Variants in TMEM245 observed in about 807,000 individuals in gnomAD.
TMEM245 encodes protein CG-2.
TMEM245 carries 69 observed loss-of-function variants against 101.2 expected under a neutral mutation model. That is an observed-to-expected ratio of 0.68 (90% CI 0.56 to 0.83). TMEM245 has a LOEUF of 0.83. Among genes scored for constraint, TMEM245 ranks in the 40% least tolerant of loss-of-function variants. The pLI is 0.00. For synonymous variants in TMEM245, 537 were observed against 449.8 expected (o/e 1.19, Z -2.45); for missense variants, 1,075 against 1,092.8 (o/e 0.98, Z 0.23).
chr9:109,015,226 T>C lies in TMEM245; in HGVS notation c.*5234A>G, dbSNP rs539451290. 7.0e-6 allele frequency: 1 copy of C among 143,000 alleles called. No individual in the cohort carries two copies. The highest frequency in any genetic ancestry group is 2.2e-4 in the South Asian group (1 of 4,586). 8.9% of individuals were successfully genotyped at this position (143,000 alleles called of 1,614,324 possible). ...ATAAAGAAGTTACATCAGTAGGTTG[T>C]CAAAGCAAGTTAGCTAAGAAACAGC... On this transcript the variant is annotated 3_prime_UTR_variant, in exon 18 of 18. Coordinates refer to ENST00000374586, the MANE Select transcript of TMEM245 (RefSeq NM_032012.4).
At chr9:109,070,843 T>C (rs1181372724) in intron 9 of TMEM245, among the ~76,000 whole-genome samples, 2 of 152,160 alleles carry the variant, frequency 1.3e-5, no homozygotes, top group Admixed American at 6.5e-5. Flanking sequence ...AATCGTACCA[T>C]TTGGGCTTTT....
At chr9:109,106,087 C>A (rs948679512) in intron 3 of TMEM245, among the ~76,000 whole-genome samples, 2 of 151,996 alleles carry the variant, frequency 1.3e-5, no homozygotes, top group African/African-American at 4.8e-5. Context: ...GCCATTTTTA[C>A]GTGATTACTG....
intron 12 of TMEM245, among the ~76,000 whole-genome samples, chr9:109,055,624 GGTTTC>G (rs1828808221): frequency 1.3e-5 from 2 of 150,504 alleles, no homozygotes; most frequent in Non-Finnish European, 1.5e-5. Context: ...TTTCAATCAC[GGTTTC>G]TTTTTTTCTT....
intron 11 of TMEM245, 23 bp downstream of exon 11, chr9:109,060,331 A>G (rs1466813910): frequency 6.4e-7 from 1 of 1,555,760 alleles, no homozygotes; most frequent in Non-Finnish European, 8.8e-7. Flanking sequence ...TTACAACAGG[A>G]AACTTTAGCT....
Position 109,080,893 on chromosome 9 carries a change from G to A in TMEM245, c.1395C>T (p.Ile465=). The A allele has an allele frequency of 6.2e-7, 1 of 1,610,714 alleles. No homozygotes were observed. Among genetic ancestry groups the A allele is most frequent in the Non-Finnish European group, 8.5e-7 (1 of 1,177,668 alleles). The change falls in exon 8 of 18, where the codon ATC becomes ATT. Residue 465 remains isoleucine (I), a synonymous_variant. Transcript: ENST00000374586. ...GAGTTCCTATCACTAACAAAAATAT[G>A]ATGAAAATGCTAATTATTTTATCTA... ...KMLDKIISIF[I]IFLLVIGTLL...
rs1005405259 is a variant in TMEM245, at chr9:109,018,604, G to C, written c.*1856C>G. The C allele has an allele frequency of 6.6e-6, 1 of 152,106 alleles. No individual in the cohort carries two copies. The highest frequency in any genetic ancestry group is 1.5e-5 in the Non-Finnish European group (1 of 68,026). 9.4% of individuals were successfully genotyped at this position (152,106 alleles called of 1,614,324 possible). A position where few individuals can be genotyped will look rare whatever the true frequency, so the allele number is the denominator to read the frequency against. Reference sequence around the variant, plus strand: ...CTAAATGAAATTTTTCTTAAGTAGTGTAAGAATAAATTTAAACTAATTATA... The same window carrying C: ...CTAAATGAAATTTTTCTTAAGTAGTCTAAGAATAAATTTAAACTAATTATA... On this transcript the variant is annotated 3_prime_UTR_variant, in exon 18 of 18. Transcript: ENST00000374586.
chr9:109,070,606 T>A (rs759738799), intron 9 of TMEM245, among the ~76,000 whole-genome samples: 2 of 152,184 alleles, frequency 1.3e-5, no homozygotes, highest in Non-Finnish European at 2.9e-5. Flanking sequence ...ATACCTTCAA[T>A]CTTTTCTCCA....
At chr9:109,113,753 T>TA (rs1363166353) in intron 1 of TMEM245, among the ~76,000 whole-genome samples, 1 of 152,222 alleles carries the variant, frequency 6.6e-6, no homozygotes, top group African/African-American at 2.4e-5. Flanking sequence ...TTGCTTCTGT[T>TA]ACATATTTTT....
chr9:109,092,650 G>C (rs1830038159), intron 4 of TMEM245, among the ~76,000 whole-genome samples: 1 of 152,194 alleles, frequency 6.6e-6, no homozygotes, highest in Non-Finnish European at 1.5e-5. Context: ...CTTTATCTTA[G>C]CTGACATTTC....
chr9:109,040,579 C>T (rs1278213591), intron 14 of TMEM245, among the ~76,000 whole-genome samples: 3 of 152,182 alleles, frequency 2.0e-5, no homozygotes, highest in African/African-American at 7.2e-5. Flanking sequence ...CACGTAAACA[C>T]AACCATACAT....
At chr9:109,099,674 C>A (rs527995855) in intron 3 of TMEM245, among the ~76,000 whole-genome samples, 2 of 152,132 alleles carry the variant, frequency 1.3e-5, no homozygotes, top group African/African-American at 2.4e-5. Flanking sequence ...TCTAACACAG[C>A]CTTACTTATA....
intron 2 of TMEM245, among the ~76,000 whole-genome samples, chr9:109,107,241 A>T (rs1478486076): frequency 6.6e-6 from 1 of 151,534 alleles, no homozygotes; most frequent in East Asian, 1.9e-4. Context: ...TAAAAATAAA[A>T]AAAAAAAATT....
intron 16 of TMEM245, 64 bp downstream of exon 16, chr9:109,036,142 T>TAAAA: frequency 7.4e-7 from 1 of 1,348,466 alleles, no homozygotes; most frequent in South Asian, 1.7e-5. Context: ...AAATCCTCCT[T>TAAAA]TAAAAAAAAA....
At chr9:109,020,595 A>G in intron 17 of TMEM245, 90 bp from the exon 18 acceptor site, 1 of 1,144,220 alleles carries the variant, frequency 8.7e-7, no homozygotes, top group East Asian at 2.4e-5. Flanking sequence ...GAGATTATAT[A>G]GTCACTATTT....
chr9:109,095,531 A>G (rs771639107), intron 3 of TMEM245, among the ~76,000 whole-genome samples: 12 of 152,316 alleles, frequency 7.9e-5, no homozygotes, highest in Non-Finnish European at 1.3e-4. Context: ...AACTGGTATC[A>G]AATAAACAAG....
At chr9:109,063,799 C>A (rs931742613) in intron 10 of TMEM245, among the ~76,000 whole-genome samples, 3 of 152,232 alleles carry the variant, frequency 2.0e-5, no homozygotes, top group Non-Finnish European at 2.9e-5. Context: ...ACTCCTGTCT[C>A]TGCATCTTGG....
Position 109,015,417 on chromosome 9 carries a change from C to T in TMEM245, c.*5043G>A, listed in dbSNP as rs1167323767. On this transcript the variant is annotated 3_prime_UTR_variant, in exon 18 of 18. Transcript: ENST00000374586. ...TCAAAATCAAATTGTACTGGAAATA[C>T]ACTTCAGTTACCTAAATAAGTGGCA... The T allele has an allele frequency of 6.6e-6, 1 of 152,158 alleles. No homozygotes were observed. The highest frequency in any genetic ancestry group is 2.4e-5 in the African/African-American group (1 of 41,408). 9.4% of individuals were successfully genotyped at this position (152,158 alleles called of 1,614,324 possible).
chr9:109,112,237 A>G (rs1830585152), intron 1 of TMEM245, among the ~76,000 whole-genome samples: 1 of 152,168 alleles, frequency 6.6e-6, no homozygotes, highest in Non-Finnish European at 1.5e-5. Context: ...TTTATACTGT[A>G]GCAGTATTAA....
intron 14 of TMEM245, among the ~76,000 whole-genome samples, chr9:109,040,451 T>C (rs10118486): frequency 0.13 from 20,478 of 152,184 alleles, 1,651 homozygotes; most frequent in African/African-American, 0.22. Flanking sequence ...AGATGTAGAA[T>C]ATTTCCATCA....
Sources: gnomAD v4.1 joint callset for allele counts (sites outside exome capture counted in the v4.1 genomes callset) on GRCh38, gnomAD v4.1.1 for gene constraint, MANE v1.5 for transcripts, NCBI Gene and HGNC (gene_info 2026-07-23, HGNC 2026-07-21) for gene names.